GPR39: variants seen among roughly 807,000 people sequenced by gnomAD.
GPR39 encodes zinc sensing receptor.
A neutral mutation model predicts 18.4 loss-of-function variants in GPR39; 23 were observed. The observed-to-expected ratio is 1.25, with a 90% CI of 0.90 to 1.77. GPR39 has a LOEUF of 1.77. Among genes scored for constraint, GPR39 ranks in the 40% most tolerant of loss-of-function variants. The probability of loss-of-function intolerance (pLI) is 0.00; values close to 1 mark genes in which losing one functional copy is unlikely to be tolerated. For synonymous variants in GPR39, 280 were observed against 257.9 expected (o/e 1.09, Z -0.82); for missense variants, 647 against 602.4 (o/e 1.07, Z -0.78).
At chr2:132,510,076 C>T (rs189871217) in intron 1 of GPR39, among the ~76,000 whole-genome samples, 124 of 152,300 alleles carry the variant, frequency 8.1e-4, no homozygotes, top group Middle Eastern at 3.4e-3. Flanking sequence ...GAGCCATTGG[C>T]ATGGATCAAA....
At chr2:132,546,865 AGAG>A (rs1172203156) in intron 1 of GPR39, among the ~76,000 whole-genome samples, 1 of 147,872 alleles carries the variant, frequency 6.8e-6, no homozygotes, top group Non-Finnish European at 1.5e-5. Context: ...AAAAAAAAAA[AGAG>A]GCATCATATG....
In GPR39 at chr2:132,591,275, A is replaced by G. The variant is rs974870370; in HGVS notation, c.857-53826A>G. Among the ~76,000 whole-genome samples, 48 of 110,044 alleles carry G rather than the reference A, an allele frequency of 4.4e-4. 1 individual carries two copies. The highest frequency in any genetic ancestry group is 6.6e-4 in the Non-Finnish European group (38 of 57,500). The allele number at this position is 110,044 out of a possible 152,430, so 72.2% of individuals were successfully genotyped here. ...TCCGTCTCAAAAAAAAAAAAAAAAA[A>G]AACAAAAAAAAACAGAGGAACATTG... is the stretch of plus-strand genomic sequence containing the variant. On this transcript the variant is annotated intron_variant, in intron 1 of 1. Transcript: ENST00000329321.
intron 1 of GPR39, among the ~76,000 whole-genome samples, chr2:132,497,453 AC>A (rs1384598967): frequency 1.3e-5 from 2 of 152,210 alleles, no homozygotes; most frequent in Non-Finnish European, 2.9e-5. Context: ...TTAAGAACTT[AC>A]GTGACTACCA....
rs549476373 is a variant in GPR39, at chr2:132,492,512, T to C, written c.856+74614T>C. Among the ~76,000 whole-genome samples the C allele has an allele frequency of 8.8e-5, 12 of 136,446 alleles. No homozygotes were observed. In the East Asian group the frequency reaches 1.7e-3, roughly 20 times the overall value. 89.5% of individuals were successfully genotyped at this position (136,446 alleles called of 152,430 possible). A position where few individuals can be genotyped will look rare whatever the true frequency, so the allele number is the denominator to read the frequency against. On this transcript the variant is annotated intron_variant, in intron 1 of 1. Transcript: ENST00000329321. ...ATACACCATATATACACACCATATA[T>C]ACCATATATATACACCATATATATA...
chr2:132,607,901 T>A (rs1027029263), intron 1 of GPR39, among the ~76,000 whole-genome samples: 3 of 152,138 alleles, frequency 2.0e-5, no homozygotes, highest in Admixed American at 6.5e-5. Context: ...ACAGTGAGGA[T>A]CTTATCATAG....
intron 1 of GPR39, among the ~76,000 whole-genome samples, chr2:132,566,808 C>A (rs1680356364): frequency 6.6e-6 from 1 of 152,182 alleles, no homozygotes; most frequent in Non-Finnish European, 1.5e-5. Flanking sequence ...ATTCCCTGGC[C>A]ATTCTCCCTC....
In GPR39 at chr2:132,645,507, T is replaced by TAAG. The variant is rs10631541; in HGVS notation, c.1264_1266dup (p.Lys422dup). On this transcript the variant is annotated inframe_insertion, in exon 2 of 2. Transcript: ENST00000329321. Reference sequence around the variant, plus strand: ...TTCAGAGCGAGGCCGAGCCCCAGTCTAAGTCCCAGTCATTGAGTCTCGAGT... The same window carrying TAAG: ...TTCAGAGCGAGGCCGAGCCCCAGTCTAAGAAGTCCCAGTCATTGAGTCTCGAGT... 5.9e-3 allele frequency: 9,476 copies of TAAG among 1,614,074 alleles called. 274 individuals are homozygous for TAAG. In the African/African-American group the frequency reaches 0.079, roughly 14 times the overall value.
chr2:132,600,151 C>G (rs1681014121), intron 1 of GPR39, among the ~76,000 whole-genome samples: 1 of 152,172 alleles, frequency 6.6e-6, no homozygotes, highest in African/African-American at 2.4e-5. Context: ...CCTGAACAAC[C>G]AGTGAGTCTA....
chr2:132,496,479 C>T (rs1324435609), intron 1 of GPR39, among the ~76,000 whole-genome samples: 1 of 152,154 alleles, frequency 6.6e-6, no homozygotes, highest in African/African-American at 2.4e-5. Context: ...ACAAAGGCAA[C>T]AGCCTGAAAA....
intron 1 of GPR39, among the ~76,000 whole-genome samples, chr2:132,642,494 G>A (rs1392656538): frequency 2.6e-5 from 4 of 152,206 alleles, no homozygotes; most frequent in Non-Finnish European, 5.9e-5. Flanking sequence ...TTGATGGGAT[G>A]ATCAGTGAAG....
chr2:132,626,105 A>AC (rs1681540822), intron 1 of GPR39, among the ~76,000 whole-genome samples: 1 of 151,916 alleles, frequency 6.6e-6, no homozygotes, highest in African/African-American at 2.4e-5. Context: ...ATCTCAAAAA[A>AC]AAAAAACAAA....
intron 1 of GPR39, among the ~76,000 whole-genome samples, chr2:132,534,295 T>C (rs1046822985): frequency 6.6e-6 from 1 of 150,970 alleles, no homozygotes. Context: ...TGAGATATCA[T>C]CTCACACCAG....
intron 1 of GPR39, among the ~76,000 whole-genome samples, chr2:132,485,236 A>G (rs1681309191): frequency 6.6e-6 from 1 of 152,244 alleles, no homozygotes; most frequent in African/African-American, 2.4e-5. Flanking sequence ...TTAATTTTAA[A>G]AAGCTTCATT....
intron 1 of GPR39, among the ~76,000 whole-genome samples, chr2:132,549,412 A>G (rs1340705942): frequency 6.6e-6 from 1 of 152,198 alleles, no homozygotes; most frequent in Admixed American, 6.5e-5. Context: ...TGTCCATATT[A>G]CTGTTTAACA....
chr2:132,593,106 A>G (rs2104833859), intron 1 of GPR39, among the ~76,000 whole-genome samples: 1 of 152,356 alleles, frequency 6.6e-6, no homozygotes, highest in African/African-American at 2.4e-5. Context: ...AAAATCTGAG[A>G]GTTTCAAGTG....
chr2:132,451,147 C>CTGTGTGTGTGTG (rs34508615), intron 1 of GPR39, among the ~76,000 whole-genome samples: 71 of 106,092 alleles, frequency 6.7e-4, no homozygotes, highest in African/African-American at 1.8e-3. Context: ...ATCTTTGAGG[C>CTGTGTGTGTGTG]TGTGTGTGTG....
Position 132,448,799 on chromosome 2 carries a change from A to G in GPR39, c.856+30901A>G, listed in dbSNP as rs570966331. On this transcript the variant is annotated intron_variant, in intron 1 of 1. Coordinates refer to ENST00000329321, the MANE Select transcript of GPR39 (RefSeq NM_001508.3). ...CCAACTCACTTCTAAGTATACTGTA[A>G]GAATCATGCCTTTCTTTAATCATGC... Among the ~76,000 whole-genome samples the G allele has an allele frequency of 1.5e-4, 23 of 152,302 alleles. No individual in the cohort carries two copies. The South Asian group carries it at 4.8e-3, about 32-fold the overall frequency.
intron 1 of GPR39, among the ~76,000 whole-genome samples, chr2:132,510,438 T>C (rs1679218304): frequency 6.6e-6 from 1 of 152,150 alleles, no homozygotes; most frequent in African/African-American, 2.4e-5. Context: ...TGCCCTCAGT[T>C]TTATACTTTG....
At chr2:132,632,683 G>GA (rs1681671444) in intron 1 of GPR39, among the ~76,000 whole-genome samples, 1 of 152,118 alleles carries the variant, frequency 6.6e-6, no homozygotes, top group Non-Finnish European at 1.5e-5. Flanking sequence ...TATAAGCATT[G>GA]AAATTCAGCA....
Sources: gnomAD v4.1 joint callset for allele counts (sites outside exome capture counted in the v4.1 genomes callset) on GRCh38, gnomAD v4.1.1 for gene constraint, MANE v1.5 for transcripts, NCBI Gene and HGNC (gene_info 2026-07-23, HGNC 2026-07-21) for gene names.